The following KIAA0232 variants were observed in gnomAD, a reference collection of about 807,000 sequenced individuals.
KIAA0232 encodes the protein uncharacterized protein KIAA0232.
A neutral mutation model predicts 122.0 loss-of-function variants in KIAA0232; 27 were observed. That is an observed-to-expected ratio of 0.22 (90% CI 0.16 to 0.31). KIAA0232 has a LOEUF of 0.31. Ranked by LOEUF, KIAA0232 falls within the 10% of genes least tolerant of loss-of-function variation. KIAA0232 has a pLI of 1.00. For missense variants in KIAA0232, 1,551 were observed against 1,634.2 expected (o/e 0.95, Z 0.88); for synonymous variants, 613 against 587.6 (o/e 1.04, Z -0.63).
chr4:6,861,639 A>T lies in KIAA0232; in HGVS notation c.1257A>T (p.Lys419Asn). 6.2e-7 allele frequency: 1 copy of T among 1,614,070 alleles called. No individual in the cohort carries two copies. Among genetic ancestry groups the T allele is most frequent in the Non-Finnish European group, 8.5e-7 (1 of 1,180,026 alleles). ...TTGTTCCTCTGAGCAGAAAAAGTAAACTAGAGACCACATACCGAAACAGAC... is the reference window on the plus strand; with the variant it reads ...TTGTTCCTCTGAGCAGAAAAAGTAATCTAGAGACCACATACCGAAACAGAC... Reference protein sequence around the residue: ...EYFVPLSRKSKLETTYRNRQD... With the variant: ...EYFVPLSRKSNLETTYRNRQD... The change falls in exon 7 of 10, where the codon AAA (lysine) becomes AAT (asparagine). Residue 419 changes from lysine to asparagine, a missense_variant. Coordinates refer to ENST00000307659, the MANE Select transcript of KIAA0232 (RefSeq NM_014743.3).
chr4:6,805,700 A>G (rs1372156558), intron 2 of KIAA0232, among the ~76,000 whole-genome samples: 1 of 152,206 alleles, frequency 6.6e-6, no homozygotes, highest in Non-Finnish European at 1.5e-5. Flanking sequence ...ACACTATGAT[A>G]TAGTATTTTA....
intron 6 of KIAA0232, among the ~76,000 whole-genome samples, chr4:6,858,803 A>G (rs1194773485): frequency 2.6e-5 from 4 of 152,172 alleles, no homozygotes; most frequent in Non-Finnish European, 5.9e-5. Flanking sequence ...GCCCTTTGAG[A>G]CAGCTGTGAG....
At chr4:6,823,419 C>G (rs1420515847) in intron 2 of KIAA0232, among the ~76,000 whole-genome samples, 1 of 152,086 alleles carries the variant, frequency 6.6e-6, no homozygotes, top group Non-Finnish European at 1.5e-5. Flanking sequence ...GTTCCTATTT[C>G]TCCACATCCT....
At chr4:6,857,122 A>G (rs183846467) in intron 4 of KIAA0232, 42 bp from the exon 5 acceptor site, 3 of 1,491,246 alleles carry the variant, frequency 2.0e-6, no homozygotes, top group East Asian at 4.7e-5. Context: ...TGATTTGTAC[A>G]TACCTGGCTG....
At chr4:6,867,482 T>TG (rs1298958342) in intron 7 of KIAA0232, among the ~76,000 whole-genome samples, 1 of 152,196 alleles carries the variant, frequency 6.6e-6, no homozygotes, top group Non-Finnish European at 1.5e-5. Context: ...CAGTGTGCCT[T>TG]GGTATCTGGA....
intron 3 of KIAA0232, among the ~76,000 whole-genome samples, chr4:6,828,773 CT>C (rs1397301437): frequency 1.2e-4 from 18 of 152,274 alleles, no homozygotes; most frequent in African/African-American, 4.1e-4. Flanking sequence ...TTTTCTTCAT[CT>C]TCTACTTTTG....
chr4:6,841,020 A>C (rs540666333), intron 3 of KIAA0232, among the ~76,000 whole-genome samples: 25 of 152,340 alleles, frequency 1.6e-4, no homozygotes, highest in African/African-American at 6.0e-4. Flanking sequence ...AAATACAAGT[A>C]TAAAGAACAG....
At chr4:6,817,921 C>T (rs1435775478) in intron 2 of KIAA0232, among the ~76,000 whole-genome samples, 2 of 152,062 alleles carry the variant, frequency 1.3e-5, no homozygotes, top group East Asian at 3.9e-4. Context: ...TATGAATTGA[C>T]CTTCTTTATC....
At position 6,858,579 on chromosome 4, in the gene KIAA0232, G is replaced by A. The variant is rs183598218; in HGVS notation, c.518+73G>A. ...GATGAATAACTGCTACATGGTTTCC[G>A]TTTTCTGTTTGTCATCTTGTTTAGT... On this transcript the variant is annotated intron_variant, in intron 6 of 9. Coordinates refer to ENST00000307659, the MANE Select transcript of KIAA0232 (RefSeq NM_014743.3). 4.3e-4 allele frequency: 414 copies of A among 952,942 alleles called. 2 individuals are homozygous for A. Among genetic ancestry groups the A allele is most frequent in the South Asian group, 8.6e-4 (53 of 61,792 alleles). 59.0% of individuals were successfully genotyped at this position (952,942 alleles called of 1,614,324 possible). A position where few individuals can be genotyped will look rare whatever the true frequency, so the allele number is the denominator to read the frequency against.
chr4:6,861,104 C>T lies in KIAA0232; in HGVS notation c.722C>T (p.Thr241Ile), dbSNP rs1218951959. 6.2e-7 allele frequency: 1 copy of T among 1,614,138 alleles called. No homozygotes were observed. The highest frequency in any genetic ancestry group is 8.5e-7 in the Non-Finnish European group (1 of 1,180,016). ...VTKERSSEVP[T>I]TVHEKTQSKS... The stretch of plus-strand genomic sequence containing the variant: ...AAGGAAAGAAGCAGTGAAGTACCCA[C>T]CACTGTGCATGAGAAAACCCAGAGC... Residue 241 changes from threonine (T) to isoleucine (I), a missense_variant, in exon 7 of 10, where the codon ACC (threonine) becomes ATC (isoleucine). Coordinates refer to ENST00000307659, the MANE Select transcript of KIAA0232 (RefSeq NM_014743.3).
At chr4:6,842,790 T>C (rs1047219755) in intron 4 of KIAA0232, among the ~76,000 whole-genome samples, 1 of 152,140 alleles carries the variant, frequency 6.6e-6, no homozygotes, top group Non-Finnish European at 1.5e-5. Context: ...GGTTTCACCA[T>C]GTTGGCCAGG....
intron 2 of KIAA0232, among the ~76,000 whole-genome samples, chr4:6,811,576 G>T (rs1227957187): frequency 1.3e-5 from 2 of 152,014 alleles, no homozygotes; most frequent in Non-Finnish European, 2.9e-5. Context: ...CTGAGTAGCT[G>T]GGACTCCAAG....
intron 2 of KIAA0232, among the ~76,000 whole-genome samples, chr4:6,812,698 G>T (rs1000536625): frequency 2.6e-5 from 4 of 151,952 alleles, no homozygotes; most frequent in African/African-American, 9.7e-5. Context: ...AATATATATC[G>T]GCAAGTGAAT....
intron 4 of KIAA0232, among the ~76,000 whole-genome samples, chr4:6,851,654 T>G (rs1425411161): frequency 2.0e-5 from 3 of 146,998 alleles, no homozygotes; most frequent in Non-Finnish European, 4.5e-5. Context: ...AGGTCAAGGA[T>G]ATGGTGAGCT....
intron 1 of KIAA0232, among the ~76,000 whole-genome samples, chr4:6,788,405 C>T (rs1207717969): frequency 2.6e-5 from 4 of 152,216 alleles, no homozygotes; most frequent in African/African-American, 9.7e-5. Flanking sequence ...TCCTTTCCAC[C>T]TTTCTCTCTC....
At chr4:6,832,413 AT>A (rs1452029429) in intron 3 of KIAA0232, among the ~76,000 whole-genome samples, 1 of 140,490 alleles carries the variant, frequency 7.1e-6, no homozygotes, top group Non-Finnish European at 1.5e-5. Context: ...TAGTGGCGTG[AT>A]CTCGGCTCAC....
intron 3 of KIAA0232, among the ~76,000 whole-genome samples, chr4:6,837,228 C>G (rs1171390407): frequency 6.6e-6 from 1 of 151,618 alleles, no homozygotes; most frequent in Non-Finnish European, 1.5e-5. Context: ...CTCCTCACTT[C>G]TCAGAAGGGG....
At chr4:6,850,036 T>G (rs773513781) in intron 4 of KIAA0232, among the ~76,000 whole-genome samples, 3 of 152,204 alleles carry the variant, frequency 2.0e-5, no homozygotes, top group Non-Finnish European at 2.9e-5. Flanking sequence ...GGTAGAAAAT[T>G]GGGATTTTTT....
At chr4:6,874,635 G>T (rs1373868495) in intron 8 of KIAA0232, among the ~76,000 whole-genome samples, 2 of 152,180 alleles carry the variant, frequency 1.3e-5, no homozygotes, top group African/African-American at 4.8e-5. Flanking sequence ...GTGGTGAAAG[G>T]CCCAGGATTG....
Sources: gnomAD v4.1 joint callset for allele counts (sites outside exome capture counted in the v4.1 genomes callset) on GRCh38, gnomAD v4.1.1 for gene constraint, MANE v1.5 for transcripts, NCBI Gene and HGNC (gene_info 2026-07-23, HGNC 2026-07-21) for gene names.